AGO4: variants seen among roughly 807,000 people sequenced by gnomAD.
AGO4 encodes the protein argonaute RISC component 4.
Under a neutral mutation model 104.7 loss-of-function variants are expected in AGO4, and 33 were observed. That is an observed-to-expected ratio of 0.32 (90% CI 0.24 to 0.42). The LOEUF is 0.42. Ranked by LOEUF, AGO4 falls within the 10% of genes least tolerant of loss-of-function variation. The pLI is 1.00. For synonymous variants in AGO4, 331 were observed against 364.7 expected (o/e 0.91, Z 1.05); for missense variants, 711 against 1,083.4 (o/e 0.66, Z 4.83).
intron 8 of AGO4, 25 bp from the exon 9 acceptor site, chr1:35,831,787 C>A (rs1644191683): frequency 6.8e-6 from 11 of 1,613,582 alleles, no homozygotes; most frequent in Middle Eastern, 1.7e-4. Flanking sequence ...TTTACACAAA[C>A]CAATTTCTCT....
chr1:35,838,573 CT>C (rs1433129566), intron 13 of AGO4, among the ~76,000 whole-genome samples: 1 of 152,160 alleles, frequency 6.6e-6, no homozygotes, highest in East Asian at 1.9e-4. Flanking sequence ...CTGTCTGTCC[CT>C]CCCTTCATAG....
At chr1:35,826,181 C>T in intron 6 of AGO4, 121 bp downstream of exon 6, 2 of 1,283,364 alleles carry the variant, frequency 1.6e-6, no homozygotes, top group Non-Finnish European at 2.1e-6. Context: ...TCAATGGGAC[C>T]TTGGTCAAGT....
At chr1:35,825,599 T>G (rs750122707) in intron 4 of AGO4, 80 bp from the exon 5 acceptor site, 70 of 1,534,706 alleles carry the variant, frequency 4.6e-5, no homozygotes, top group Non-Finnish European at 6.0e-5. Flanking sequence ...TCAAATTTGA[T>G]TTCAGCTCCC....
chr1:35,841,811 C>CATATATATAT lies in AGO4; in HGVS notation c.2175+79_2175+88dup, dbSNP rs5773512. 2.1e-4 allele frequency: 125 copies of CATATATATAT among 606,466 alleles called. No homozygotes were observed. Among genetic ancestry groups the CATATATATAT allele is most frequent in the African/African-American group, 1.0e-3 (52 of 49,674 alleles). 37.6% of individuals were successfully genotyped at this position (606,466 alleles called of 1,614,324 possible). A position where few individuals can be genotyped will look rare whatever the true frequency, so the allele number is the denominator to read the frequency against. On this transcript the variant is annotated intron_variant, in intron 15 of 17. Coordinates refer to ENST00000373210, the MANE Select transcript of AGO4 (RefSeq NM_017629.4). This position sits in a 1 kb window ranked among gnomAD's most constrained non-coding sequence, Gnocchi z 4.7. ...CTCTGGCAAGAGATGTATATATGCA[C>CATATATATAT]ATATATATATATATATATATATATA...
chr1:35,823,385 TG>T (rs1244451980), intron 3 of AGO4, among the ~76,000 whole-genome samples: 4 of 152,094 alleles, frequency 2.6e-5, no homozygotes, highest in Non-Finnish European at 5.9e-5. Context: ...TCCAAGTAGC[TG>T]GGATTACAGG....
chr1:35,821,503 T>G (rs983923101), intron 2 of AGO4, among the ~76,000 whole-genome samples: 10 of 152,240 alleles, frequency 6.6e-5, no homozygotes, highest in African/African-American at 1.9e-4. Flanking sequence ...TGTCCATATC[T>G]TAAACTCTAT....
chr1:35,816,855 A>C, intron 1 of AGO4, 27 bp from the exon 2 acceptor site: 1 of 1,508,454 alleles, frequency 6.6e-7, no homozygotes, highest in Admixed American at 2.3e-5. Context: ...AAAAAATAGC[A>C]CAGCAAATGT....
chr1:35,847,248 T>G (rs1477139189), intron 15 of AGO4, among the ~76,000 whole-genome samples: 1 of 151,894 alleles, frequency 6.6e-6, no homozygotes, highest in East Asian at 1.9e-4. Flanking sequence ...TTTTTTTTTT[T>G]TTTGAGACTG....
chr1:35,830,429 A>C (rs1218285126), intron 7 of AGO4, among the ~76,000 whole-genome samples: 3 of 152,138 alleles, frequency 2.0e-5, no homozygotes, highest in Non-Finnish European at 4.4e-5. Flanking sequence ...ATTACTCCAA[A>C]TCTTTATGTT....
At chr1:35,851,267 G>T in intron 17 of AGO4, 1 of 567,888 alleles carries the variant, frequency 1.8e-6, no homozygotes, top group Non-Finnish European at 3.1e-6. Flanking sequence ...CTCTAAAGGA[G>T]TTTAATTTGG....
At chr1:35,850,826 A>AAACATTAATC in intron 16 of AGO4, 28 bp from the exon 17 acceptor site, 3 of 1,541,498 alleles carry the variant, frequency 1.9e-6, no homozygotes, top group Non-Finnish European at 1.7e-6. Context: ...ACAAAAAAAA[A>AAACATTAATC]ACATTAATCA....
rs1394996715 is a variant in AGO4, at chr1:35,856,051, A to G, written c.*2446A>G. ...TTGTCTTGCTCTACGCTCGACCTCG[A>G]ACAATACAGCTTGTAAGACCTCAGT... On this transcript the variant is annotated 3_prime_UTR_variant, in exon 18 of 18. Transcript: ENST00000373210. 1.3e-5 allele frequency: 2 copies of G among 152,252 alleles called. No individual in the cohort carries two copies. Among genetic ancestry groups the G allele is most frequent in the African/African-American group, 4.8e-5 (2 of 41,472 alleles). 9.4% of individuals were successfully genotyped at this position (152,252 alleles called of 1,614,324 possible). A position where few individuals can be genotyped will look rare whatever the true frequency, so the allele number is the denominator to read the frequency against.
At chr1:35,817,451 A>G (rs1643748720) in intron 2 of AGO4, among the ~76,000 whole-genome samples, 1 of 152,060 alleles carries the variant, frequency 6.6e-6, no homozygotes, top group South Asian at 2.1e-4. Context: ...TTACTTGCAG[A>G]TTTTTTCTTG....
At chr1:35,828,830 A>G (rs763989689) in intron 7 of AGO4, among the ~76,000 whole-genome samples, 1 of 152,118 alleles carries the variant, frequency 6.6e-6, no homozygotes, top group Admixed American at 6.6e-5. Context: ...CCATCACCCA[A>G]CACTTCTAAT....
chr1:35,842,661 G>A (rs950319022), intron 15 of AGO4, among the ~76,000 whole-genome samples: 16 of 152,122 alleles, frequency 1.1e-4, no homozygotes, highest in Non-Finnish European at 1.5e-5. Context: ...AATTAGCTGG[G>A]CGTAATGGTG....
At chr1:35,819,105 A>G (rs1643824114) in intron 2 of AGO4, among the ~76,000 whole-genome samples, 1 of 152,168 alleles carries the variant, frequency 6.6e-6, no homozygotes, top group Non-Finnish European at 1.5e-5. Flanking sequence ...TGTCAATAAG[A>G]TTTACTGATG....
At position 35,808,149 on chromosome 1, in the gene AGO4, GGCTCCC is replaced by G. The variant is rs573836726; in HGVS notation, c.-254_-249del. On this transcript the variant is annotated 5_prime_UTR_variant, in exon 1 of 18. Transcript: ENST00000373210. This position sits in a 1 kb window ranked among gnomAD's most constrained non-coding sequence, Gnocchi z 5.2. ...TTCCCTCCCGGCGGGCGCGCGCGCT[GGCTCCC>G]GCTCCCGCTCCCGTTGGCGGCGGCG... The G allele has an allele frequency of 1.8e-4, 29 of 157,480 alleles. 1 individual carries two copies. The highest frequency in any genetic ancestry group is 3.2e-4 in the African/African-American group (13 of 41,108). 9.8% of individuals were successfully genotyped at this position (157,480 alleles called of 1,614,324 possible). A position where few individuals can be genotyped will look rare whatever the true frequency, so the allele number is the denominator to read the frequency against.
chr1:35,818,654 A>G (rs28403993), intron 2 of AGO4, among the ~76,000 whole-genome samples: 63,275 of 92,664 alleles, frequency 0.68, 20,962 homozygotes, highest in Non-Finnish European at 0.79. Context: ...AGAAAGAAAG[A>G]AAGAAAGGAA....
intron 11 of AGO4, among the ~76,000 whole-genome samples, 152 bp from the exon 12 acceptor site, chr1:35,833,837 TG>T (rs1644242743): frequency 6.6e-6 from 1 of 152,252 alleles, no homozygotes; most frequent in South Asian, 2.1e-4. Context: ...AGTCCATTTT[TG>T]GCAACCAGTT....
Sources: allele counts gnomAD v4.1 joint callset (sites outside exome capture counted in the v4.1 genomes callset), GRCh38; gene constraint gnomAD v4.1.1; non-coding constraint Gnocchi (gnomAD v3.1); transcripts MANE v1.5; gene names NCBI Gene and HGNC (gene_info 2026-07-23, HGNC 2026-07-21).